Variants in PRKN observed in about 807,000 individuals in gnomAD.
PRKN encodes E3 ubiquitin-protein ligase parkin.
In PRKN, 56 loss-of-function variants were observed where a neutral mutation model predicts 59.5. That is an observed-to-expected ratio of 0.94 (90% CI 0.76 to 1.18). PRKN has a LOEUF of 1.18. Ranked by LOEUF, PRKN falls within the 50% of genes most tolerant of loss-of-function variation. The pLI, the probability that PRKN is intolerant of heterozygous loss-of-function variation, is 0.00. For synonymous variants in PRKN, 250 were observed against 222.1 expected (o/e 1.13, Z -1.12); for missense variants, 657 against 596.4 (o/e 1.10, Z -1.06).
intron 4 of PRKN, among the ~76,000 whole-genome samples, chr6:162,189,507 C>T (rs1045171161): frequency 3.3e-5 from 5 of 150,688 alleles, no homozygotes; most frequent in African/African-American, 1.2e-4. Flanking sequence ...TAATTTACTT[C>T]ATGAAACATC....
At chr6:162,194,535 A>G (rs748731695) in intron 4 of PRKN, among the ~76,000 whole-genome samples, 2 of 152,158 alleles carry the variant, frequency 1.3e-5, no homozygotes, top group Admixed American at 1.3e-4. Context: ...ACTGGCTGAT[A>G]CTGATGCCCT....
At chr6:161,952,088 C>T (rs931731095) in intron 6 of PRKN, among the ~76,000 whole-genome samples, 1 of 152,074 alleles carries the variant, frequency 6.6e-6, no homozygotes, top group Non-Finnish European at 1.5e-5. Context: ...AAATTGATGC[C>T]ATATTGAAAA....
chr6:161,704,154 C>A (rs1786385125), intron 7 of PRKN, among the ~76,000 whole-genome samples: 1 of 152,140 alleles, frequency 6.6e-6, no homozygotes, highest in Non-Finnish European at 1.5e-5. Flanking sequence ...CCACGCCCGG[C>A]CGAGGACATG....
At chr6:162,347,487 C>G (rs1300579015) in intron 2 of PRKN, among the ~76,000 whole-genome samples, 1 of 151,816 alleles carries the variant, frequency 6.6e-6, no homozygotes, top group Non-Finnish European at 1.5e-5. Context: ...TCATTGTATT[C>G]AAAGAATACT....
chr6:162,091,516 C>T (rs1424900600), intron 4 of PRKN, among the ~76,000 whole-genome samples: 16 of 152,142 alleles, frequency 1.1e-4, no homozygotes, highest in Non-Finnish European at 2.4e-4. Flanking sequence ...CAGGGACCTA[C>T]GACCTACTAG....
At chr6:161,984,378 C>G (rs937642221) in intron 5 of PRKN, among the ~76,000 whole-genome samples, 2 of 152,164 alleles carry the variant, frequency 1.3e-5, no homozygotes, top group Non-Finnish European at 2.9e-5. Flanking sequence ...CTGCCTCAGC[C>G]TCCCGAGTAG....
chr6:162,462,560 A>G (rs1477016481), intron 1 of PRKN, among the ~76,000 whole-genome samples: 1 of 152,058 alleles, frequency 6.6e-6, no homozygotes, highest in South Asian at 2.1e-4. Context: ...GTCTCCCCCA[A>G]TATAAATGTG....
chr6:161,851,765 C>T (rs992574566), intron 6 of PRKN, among the ~76,000 whole-genome samples: 4 of 151,020 alleles, frequency 2.6e-5, no homozygotes, highest in South Asian at 2.1e-4. Flanking sequence ...TGTGAGTCAC[C>T]GCACCTGGCC....
chr6:161,378,745 C>A lies in PRKN; in HGVS notation c.1167+8049G>T, dbSNP rs187201672. On this transcript the variant is annotated intron_variant, in intron 10 of 11. Coordinates refer to ENST00000366898, the MANE Select transcript of PRKN (RefSeq NM_004562.3). The surrounding 1 kb of genome is among the most constrained non-coding windows in gnomAD (Gnocchi z 7.3). ...CTTGCACGATGCCGCTGGAGCTGCA[C>A]TGTGATGTGGGCGCTATCCTCTAAG... is the stretch of plus-strand genomic sequence containing the variant. Among the ~76,000 whole-genome samples the A allele has an allele frequency of 7.9e-4, 121 of 152,322 alleles. No individual in the cohort carries two copies. The highest frequency in any genetic ancestry group is 2.8e-3 in the Admixed American group (43 of 15,308).
intron 6 of PRKN, among the ~76,000 whole-genome samples, chr6:161,827,094 T>C (rs1053731418): frequency 2.0e-5 from 3 of 152,186 alleles, no homozygotes; most frequent in Non-Finnish European, 4.4e-5. Flanking sequence ...CTAACTTACA[T>C]GGATTCATGG....
intron 3 of PRKN, among the ~76,000 whole-genome samples, chr6:162,209,342 C>A (rs1315265076): frequency 6.6e-6 from 1 of 152,122 alleles, no homozygotes; most frequent in South Asian, 2.1e-4. Context: ...AGCCAACAGA[C>A]ACATGAAAAA....
At chr6:161,455,009 G>A (rs533563799) in intron 9 of PRKN, among the ~76,000 whole-genome samples, 6 of 151,118 alleles carry the variant, frequency 4.0e-5, no homozygotes, top group African/African-American at 1.2e-4. Context: ...TTCTTGAGAC[G>A]ATGGACTGTC....
intron 6 of PRKN, among the ~76,000 whole-genome samples, chr6:161,899,983 G>A (rs1403378325): frequency 5.9e-5 from 9 of 151,934 alleles, no homozygotes; most frequent in East Asian, 3.9e-4. Flanking sequence ...TTAGCTGGGC[G>A]TCTGTAATCC....
intron 7 of PRKN, among the ~76,000 whole-genome samples, chr6:161,764,524 T>A (rs1351592250): frequency 1.3e-5 from 2 of 152,214 alleles, no homozygotes; most frequent in Non-Finnish European, 2.9e-5. Context: ...TGTGACCAGA[T>A]GCACCATTTT....
rs370297662 is a variant in PRKN, at chr6:162,429,865, A to C, written c.171+13445T>G. Among the ~76,000 whole-genome samples, 11 of 152,204 alleles carry C rather than the reference A, an allele frequency of 7.2e-5. No homozygotes were observed. In the East Asian group the frequency reaches 1.7e-3, roughly 24 times the overall value. On this transcript the variant is annotated intron_variant, in intron 2 of 11. Coordinates refer to ENST00000366898, the MANE Select transcript of PRKN (RefSeq NM_004562.3). ...TCTAAATTCCCGAAGATTATGTGCA[A>C]AGCCCCTCTGCGTTTGACCCGGCTC... is the stretch of plus-strand genomic sequence containing the variant.
In PRKN at chr6:162,634,333, A is replaced by G. The variant is rs562232319; in HGVS notation, c.7+93329T>C. On this transcript the variant is annotated intron_variant, in intron 1 of 11. Transcript: ENST00000366898. ...CCTCCTCTTCCTTCCCCACCCTTAA[A>G]AAATGGAAAACCCAGGCCAGGCATG... 3.3e-5 allele frequency among the ~76,000 whole-genome samples: 5 copies of G among 152,190 alleles called. No individual in the cohort carries two copies. The South Asian group carries it at 1.0e-3, about 32-fold the overall frequency.
intron 4 of PRKN, among the ~76,000 whole-genome samples, chr6:162,068,744 G>C (rs566318798): frequency 6.6e-6 from 1 of 151,530 alleles, no homozygotes; most frequent in East Asian, 1.9e-4. Flanking sequence ...TAATTGGCAC[G>C]GTCAGGGAAA....
chr6:162,225,039 G>T (rs987728791), intron 3 of PRKN, among the ~76,000 whole-genome samples: 4 of 152,120 alleles, frequency 2.6e-5, no homozygotes, highest in African/African-American at 9.7e-5. Flanking sequence ...AAACATTTAT[G>T]TAGCTCACAG....
At chr6:161,679,740 G>GTTTT (rs1785238904) in intron 7 of PRKN, among the ~76,000 whole-genome samples, 2 of 51,196 alleles carry the variant, frequency 3.9e-5, no homozygotes, top group African/African-American at 1.8e-4. Flanking sequence ...TTCAGAGCCA[G>GTTTT]CTTTTTTTTT....
Sources: allele counts gnomAD v4.1 joint callset (sites outside exome capture counted in the v4.1 genomes callset), GRCh38; gene constraint gnomAD v4.1.1; non-coding constraint Gnocchi (gnomAD v3.1); transcripts MANE v1.5; gene names NCBI Gene and HGNC (gene_info 2026-07-23, HGNC 2026-07-21).